Variants in RPTOR observed in about 807,000 individuals in gnomAD.
RPTOR encodes the protein regulatory associated protein of MTOR complex 1.
In RPTOR, 21 loss-of-function variants were observed where a neutral mutation model predicts 169.9. The observed-to-expected ratio is 0.12, with a 90% CI of 0.09 to 0.18. RPTOR has a LOEUF of 0.18. RPTOR is among the 10% of genes least tolerant of loss of function. The probability of loss-of-function intolerance (pLI) is 1.00; values close to 1 mark genes in which losing one functional copy is unlikely to be tolerated. For missense variants in RPTOR, 1,133 were observed against 1,855.9 expected (o/e 0.61, Z 7.16); for synonymous variants, 732 against 753.2 (o/e 0.97, Z 0.46).
At chr17:80,833,585 A>T (rs1327386684) in intron 9 of RPTOR, among the ~76,000 whole-genome samples, 1 of 152,228 alleles carries the variant, frequency 6.6e-6, no homozygotes, top group Non-Finnish European at 1.5e-5. Context: ...TTTAGCTGGG[A>T]ATCCCAAATT....
At chr17:80,632,660 C>T (rs1000050346) in intron 2 of RPTOR, among the ~76,000 whole-genome samples, 1 of 151,960 alleles carries the variant, frequency 6.6e-6, no homozygotes, top group Non-Finnish European at 1.5e-5. Context: ...TTTATTTGGC[C>T]TTTATTAAAA....
intron 7 of RPTOR, among the ~76,000 whole-genome samples, chr17:80,791,925 CA>C (rs2067053044): frequency 6.6e-6 from 1 of 152,104 alleles, no homozygotes; most frequent in Admixed American, 6.5e-5. Flanking sequence ...TGTCGCCATC[CA>C]GTTTCCATTT....
chr17:80,621,398 T>TA (rs1728528357), intron 1 of RPTOR, among the ~76,000 whole-genome samples: 2 of 152,362 alleles, frequency 1.3e-5, no homozygotes, highest in East Asian at 3.9e-4. Flanking sequence ...ATGACTTGTC[T>TA]AAAATGACAG....
intron 4 of RPTOR, among the ~76,000 whole-genome samples, chr17:80,728,210 G>T (rs1272242469): frequency 6.6e-6 from 1 of 152,170 alleles, no homozygotes; most frequent in African/African-American, 2.4e-5. Context: ...ATCTGCAGCA[G>T]AAGTTTATAT....
chr17:80,962,335 C>T (rs2069354468), intron 31 of RPTOR, 126 bp from the exon 32 acceptor site: 1 of 761,056 alleles, frequency 1.3e-6, no homozygotes, highest in East Asian at 2.5e-5. Flanking sequence ...ATCCAGGCAG[C>T]TTTTTCCTTG....
At chr17:80,698,412 C>G (rs2066055520) in intron 3 of RPTOR, among the ~76,000 whole-genome samples, 1 of 152,074 alleles carries the variant, frequency 6.6e-6, no homozygotes, top group South Asian at 2.1e-4. Flanking sequence ...ACCAGCTCCT[C>G]GTTTGCAGAG....
chr17:80,840,636 G>A (rs141702733), intron 10 of RPTOR, among the ~76,000 whole-genome samples: 494 of 43,172 alleles, frequency 0.011, 9 homozygotes, highest in Middle Eastern at 0.065. Flanking sequence ...CACTCTCACC[G>A]CACGGCAGCT....
intron 1 of RPTOR, among the ~76,000 whole-genome samples, chr17:80,613,036 C>T (rs904826268): frequency 6.6e-6 from 1 of 152,164 alleles, no homozygotes; most frequent in Admixed American, 6.5e-5. Context: ...GAGCCAGGGT[C>T]CCCCCTTGGA....
At chr17:80,743,686 CTA>C (rs1308157547) in intron 5 of RPTOR, among the ~76,000 whole-genome samples, 2 of 135,736 alleles carry the variant, frequency 1.5e-5, no homozygotes, top group Admixed American at 1.4e-4. Context: ...GCCCTGGCTA[CTA>C]GCACAGCCCT....
chr17:80,951,045 G>A (rs1032044092), intron 28 of RPTOR, among the ~76,000 whole-genome samples: 2 of 152,092 alleles, frequency 1.3e-5, no homozygotes, highest in African/African-American at 2.4e-5. Flanking sequence ...CTAGCCCCGG[G>A]GTCCATGAGA....
At chr17:80,933,126 T>C (rs2144018633) in intron 24 of RPTOR, among the ~76,000 whole-genome samples, 1 of 152,344 alleles carries the variant, frequency 6.6e-6, no homozygotes, top group Non-Finnish European at 1.5e-5. Flanking sequence ...CTGGAAATTA[T>C]AGCCAGGGAA....
chr17:80,880,706 A>T (rs978798750), intron 14 of RPTOR, among the ~76,000 whole-genome samples: 2 of 152,232 alleles, frequency 1.3e-5, no homozygotes, highest in African/African-American at 4.8e-5. Context: ...CTGTCTCTAA[A>T]CAAGAGCTCA....
chr17:80,840,714 C>T (rs1248902542), intron 10 of RPTOR, among the ~76,000 whole-genome samples: 1 of 130,664 alleles, frequency 7.7e-6, no homozygotes, highest in Non-Finnish European at 1.6e-5. Context: ...GCAGCTCACA[C>T]CACACGGCAG....
intron 1 of RPTOR, among the ~76,000 whole-genome samples, chr17:80,570,669 C>G (rs888703115): frequency 1.3e-5 from 2 of 152,096 alleles, no homozygotes; most frequent in Admixed American, 1.3e-4. Context: ...CCATGTTGGC[C>G]AGGCTGGTCT....
intron 4 of RPTOR, among the ~76,000 whole-genome samples, chr17:80,713,934 G>A (rs990993290): frequency 2.0e-5 from 3 of 152,096 alleles, no homozygotes; most frequent in African/African-American, 7.2e-5. Context: ...AGACAAAATT[G>A]ATAGTTAAAA....
chr17:80,619,690 G>A (rs1029307834), intron 1 of RPTOR, among the ~76,000 whole-genome samples: 1 of 152,160 alleles, frequency 6.6e-6, no homozygotes. Flanking sequence ...TTGATTCCAT[G>A]GAGAGTGGAA....
chr17:80,610,814 G>C (rs2065264994), intron 1 of RPTOR, among the ~76,000 whole-genome samples: 1 of 152,192 alleles, frequency 6.6e-6, no homozygotes, highest in African/African-American at 2.4e-5. Context: ...TTTGACTTCT[G>C]TCGTACTGAA....
At chr17:80,647,638 A>G (rs759737790) in intron 3 of RPTOR, among the ~76,000 whole-genome samples, 12 of 152,214 alleles carry the variant, frequency 7.9e-5, no homozygotes, top group Non-Finnish European at 1.2e-4. Context: ...GGGAATATCT[A>G]TCATTTACTA....
At chr17:80,715,577 ATTTTTATGTTTTTT>A (rs2066232368) in intron 4 of RPTOR, among the ~76,000 whole-genome samples, 1 of 136,870 alleles carries the variant, frequency 7.3e-6, no homozygotes, top group South Asian at 2.3e-4. Context: ...GGATGTTTTT[ATTTTTATGTTTTTT>A]TTTTTTCAAT....
Sources: gnomAD v4.1 joint callset for allele counts (sites outside exome capture counted in the v4.1 genomes callset) on GRCh38, gnomAD v4.1.1 for gene constraint, MANE v1.5 for transcripts, NCBI Gene and HGNC (gene_info 2026-07-23, HGNC 2026-07-21) for gene names.